ITPR2: variants seen among roughly 807,000 people sequenced by gnomAD.
ITPR2 encodes the protein inositol 1,4,5-trisphosphate receptor type 2.
A neutral mutation model predicts 317.1 loss-of-function variants in ITPR2; 207 were observed. That is an observed-to-expected ratio of 0.65 (90% CI 0.58 to 0.73). ITPR2 has a LOEUF of 0.73. ITPR2 is among the 30% of genes least tolerant of loss of function. The probability of loss-of-function intolerance (pLI) is 0.00; values close to 1 mark genes in which losing one functional copy is unlikely to be tolerated. For synonymous variants in ITPR2, 1,156 were observed against 1,149.1 expected (o/e 1.01, Z -0.12); for missense variants, 2,613 against 3,284.0 (o/e 0.80, Z 4.99).
At chr12:26,655,619 A>C in intron 20 of ITPR2, 89 bp downstream of exon 20, 1 of 1,141,488 alleles carries the variant, frequency 8.8e-7, no homozygotes, top group Non-Finnish European at 1.2e-6. Context: ...GTCTCAAAAA[A>C]AAAAAAAAAA....
chr12:26,362,223 C>T (rs2343878), intron 55 of ITPR2, among the ~76,000 whole-genome samples: 29,436 of 152,116 alleles, frequency 0.19, 3,752 homozygotes, highest in East Asian at 0.47. Flanking sequence ...GTGTCACCTG[C>T]CCTAGTTCAA....
chr12:26,430,391 G>A (rs1941174405), intron 48 of ITPR2, among the ~76,000 whole-genome samples: 1 of 152,164 alleles, frequency 6.6e-6, no homozygotes, highest in African/African-American at 2.4e-5. Context: ...AGCCTCCCGA[G>A]TAGCTGTCAG....
At chr12:26,767,976 C>T (rs1162553123) in intron 2 of ITPR2, among the ~76,000 whole-genome samples, 2 of 152,156 alleles carry the variant, frequency 1.3e-5, no homozygotes, top group African/African-American at 2.4e-5. Flanking sequence ...TTCTCTTGCT[C>T]CCTTATTTCA....
rs117531583 is a variant in ITPR2 at position 26,462,549 on chromosome 12, A to G, written c.6342+12747T>C. On this transcript the variant is annotated intron_variant, in intron 45 of 56. Transcript: ENST00000381340. ...TTTTCATACATCACTTTGATATTAT[A>G]GTACTGGATCTATTGACTAAATGAG... Among the ~76,000 whole-genome samples the G allele has an allele frequency of 3.3e-4, 50 of 152,186 alleles. No individual in the cohort carries two copies. In the East Asian group the frequency reaches 8.3e-3, roughly 25 times the overall value.
chr12:26,600,504 T>G (rs1294522464), intron 28 of ITPR2, among the ~76,000 whole-genome samples: 3 of 151,944 alleles, frequency 2.0e-5, no homozygotes, highest in Non-Finnish European at 4.4e-5. Context: ...TCTTTCTCTG[T>G]TTCTCCTCCC....
rs541985774 is a variant in ITPR2 at position 26,598,252 on chromosome 12, T to A, written c.4002+893A>T. On this transcript the variant is annotated intron_variant, in intron 30 of 56. Transcript: ENST00000381340. ...AATGTTTAATAACAATAATTTACATTTAAAAAAATTCAAGGCTTTAAGCTA... is the reference window on the plus strand; with the variant it reads ...AATGTTTAATAACAATAATTTACATATAAAAAAATTCAAGGCTTTAAGCTA... Among the ~76,000 whole-genome samples, 189 of 152,308 alleles carry A rather than the reference T, an allele frequency of 1.2e-3. 2 individuals are homozygous for A. The highest frequency in any genetic ancestry group is 4.3e-3 in the African/African-American group (178 of 41,576).
At chr12:26,826,425 A>G (rs1246889601) in intron 1 of ITPR2, among the ~76,000 whole-genome samples, 2 of 152,220 alleles carry the variant, frequency 1.3e-5, no homozygotes, top group African/African-American at 4.8e-5. Context: ...TCATTCTTCT[A>G]AGGAATTAAG....
At chr12:26,364,870 T>A (rs1181190608) in intron 55 of ITPR2, among the ~76,000 whole-genome samples, 1 of 152,150 alleles carries the variant, frequency 6.6e-6, no homozygotes, top group Admixed American at 6.5e-5. Context: ...TCTGTAAAGG[T>A]TAGCACTGGG....
intron 2 of ITPR2, among the ~76,000 whole-genome samples, chr12:26,727,338 C>A (rs1241569525): frequency 6.6e-6 from 1 of 152,156 alleles, no homozygotes; most frequent in African/African-American, 2.4e-5. Context: ...ATACTGTCTG[C>A]ACTCAGCAAA....
rs116917188 is a variant in ITPR2 at position 26,632,571 on chromosome 12, G to A, written c.2741-512C>T. ...CACTTATAAAAAGAGCTTGTGAGGA[G>A]GACTGTTACCTTTATTTTAAGAAAA... is the stretch of plus-strand genomic sequence containing the variant. On this transcript the variant is annotated intron_variant, in intron 21 of 56. Transcript: ENST00000381340. Among the ~76,000 whole-genome samples, 755 of 152,260 alleles carry A rather than the reference G, an allele frequency of 5.0e-3. 33 individuals carry two copies. In the East Asian group the frequency reaches 0.12, roughly 24 times the overall value.
chr12:26,701,263 T>A (rs1948440985), intron 9 of ITPR2, among the ~76,000 whole-genome samples: 1 of 152,232 alleles, frequency 6.6e-6, no homozygotes, highest in Admixed American at 6.5e-5. Flanking sequence ...GACCGTAAGT[T>A]TTTAAGTCCA....
intron 10 of ITPR2, among the ~76,000 whole-genome samples, chr12:26,687,609 C>A (rs1252894610): frequency 6.6e-6 from 1 of 152,160 alleles, no homozygotes; most frequent in Non-Finnish European, 1.5e-5. Flanking sequence ...CACTTGGAGT[C>A]CCTACCCCCT....
chr12:26,556,556 A>ATT lies in ITPR2; in HGVS notation c.4822-183_4822-182dup, dbSNP rs11312773. On this transcript the variant is annotated intron_variant, in intron 35 of 56. Coordinates refer to ENST00000381340, the MANE Select transcript of ITPR2 (RefSeq NM_002223.4). ...ATGTAAGAATATTGCCTGGGTCTCT[A>ATT]TTTTTTTTTTTGTGTGTGTGTGTGT... is the stretch of plus-strand genomic sequence containing the variant. Among the ~76,000 whole-genome samples the ATT allele has an allele frequency of 1.3e-3, 180 of 133,830 alleles. 2 individuals carry two copies. Among genetic ancestry groups the ATT allele is most frequent in the Admixed American group, 4.0e-3 (55 of 13,872 alleles). The allele number at this position is 133,830 out of a possible 152,430, so 87.8% of individuals were successfully genotyped here.
intron 54 of ITPR2, 55 bp downstream of exon 54, chr12:26,398,821 T>C (rs556256417): frequency 1.9e-5 from 27 of 1,455,714 alleles, no homozygotes; most frequent in Non-Finnish European, 2.2e-5. Context: ...CTCTAGCCCC[T>C]CTTTCCTGCA....
chr12:26,456,749 T>C (rs946949926), intron 45 of ITPR2, among the ~76,000 whole-genome samples: 22 of 152,182 alleles, frequency 1.4e-4, no homozygotes, highest in Admixed American at 1.4e-3. Flanking sequence ...CTCCGCTCAC[T>C]GCAACCTCCA....
chr12:26,589,426 G>A (rs1945627092), intron 32 of ITPR2, among the ~76,000 whole-genome samples: 1 of 152,068 alleles, frequency 6.6e-6, no homozygotes, highest in South Asian at 2.1e-4. Flanking sequence ...AAACACAAGA[G>A]AAGAATGATG....
rs529462798 is a variant in ITPR2, at chr12:26,579,390, T to C, written c.4510-557A>G. The stretch of plus-strand genomic sequence containing the variant: ...AATGCTACAACATAGAGATATAGTA[T>C]CAATATTTGAAGATATTTACTCCCT... On this transcript the variant is annotated intron_variant, in intron 33 of 56. Transcript: ENST00000381340. Among the ~76,000 whole-genome samples, 13 of 152,288 alleles carry C rather than the reference T, an allele frequency of 8.5e-5. No homozygotes were observed. In the East Asian group the frequency reaches 2.3e-3, roughly 27 times the overall value.
chr12:26,581,383 A>G (rs984541042), intron 32 of ITPR2, among the ~76,000 whole-genome samples: 2 of 152,136 alleles, frequency 1.3e-5, no homozygotes, highest in African/African-American at 4.8e-5. Context: ...CTCATCTATT[A>G]ATTGACCCCT....
At chr12:26,630,380 A>G (rs1946719822) in intron 22 of ITPR2, among the ~76,000 whole-genome samples, 1 of 151,114 alleles carries the variant, frequency 6.6e-6, no homozygotes, top group Non-Finnish European at 1.5e-5. Context: ...GGCCAGGAAG[A>G]GAGAGAGAGA....
Sources: allele counts gnomAD v4.1 joint callset (sites outside exome capture counted in the v4.1 genomes callset), GRCh38; gene constraint gnomAD v4.1.1; transcripts MANE v1.5; gene names NCBI Gene and HGNC (gene_info 2026-07-23, HGNC 2026-07-21).